The following PSD3 variants were observed in gnomAD, a reference collection of about 807,000 sequenced individuals.
The protein encoded by PSD3 is PH and SEC7 domain-containing protein 3.
Under a neutral mutation model 105.5 loss-of-function variants are expected in PSD3, and 49 were observed. The observed-to-expected ratio is 0.46, with a 90% CI of 0.37 to 0.59. PSD3 has a LOEUF of 0.59. PSD3 is among the 20% of genes least tolerant of loss of function. The pLI, the probability that PSD3 is intolerant of heterozygous loss-of-function variation, is 0.00. For missense variants in PSD3, 1,561 were observed against 1,263.8 expected, an observed-to-expected ratio of 1.24 and a Z score of -3.57; for synonymous variants, 557 against 457.8, an observed-to-expected ratio of 1.22 and a Z score of -2.77.
intron 15 of PSD3, among the ~76,000 whole-genome samples, chr8:18,548,094 C>T (rs1387938529): frequency 6.6e-6 from 1 of 152,156 alleles, no homozygotes; most frequent in Non-Finnish European, 1.5e-5. Flanking sequence ...CTGCTGTTGA[C>T]ACTTTCTATT....
chr8:18,611,139 A>T (rs1805232730), intron 11 of PSD3, among the ~76,000 whole-genome samples: 1 of 151,980 alleles, frequency 6.6e-6, no homozygotes, highest in Non-Finnish European at 1.5e-5. Flanking sequence ...AGACAATCAC[A>T]GTGGGGATTC....
At chr8:18,865,242 A>C (rs758698559) in intron 4 of PSD3, 4 of 7,814 alleles carry the variant, frequency 5.1e-4, no homozygotes, top group Non-Finnish European at 1.5e-3. Flanking sequence ...ATATATATAT[A>C]TATATATATA....
chr8:18,662,372 T>C (rs946870306), intron 9 of PSD3, among the ~76,000 whole-genome samples: 8 of 152,356 alleles, frequency 5.3e-5, no homozygotes, highest in Admixed American at 4.6e-4. Flanking sequence ...CTGACTGAAC[T>C]TTACCTAGTG....
intron 1 of PSD3, chr8:18,940,331 G>C (rs911892882): frequency 6.6e-6 from 1 of 152,180 alleles, no homozygotes. Flanking sequence ...GTGGGGCCTG[G>C]GACTCCGCAT....
intron 1 of PSD3, among the ~76,000 whole-genome samples, chr8:18,987,191 T>C (rs574775050): frequency 6.6e-6 from 1 of 152,254 alleles, no homozygotes; most frequent in South Asian, 2.1e-4. Flanking sequence ...TATTATGTTT[T>C]AGAAGAAAAT....
Position 18,632,817 on chromosome 8 carries a change from G to A in PSD3, c.2217-11C>T, listed in dbSNP as rs1194701949. On this transcript the variant is annotated splice_polypyrimidine_tract_variant and intron_variant, in intron 10 of 15. Transcript: ENST00000327040. ...TTCTCTTCATCATCTCTAAAAGGGAGAAAGCACAAAGACTGAGTCAAGCAC... is the reference window on the plus strand; with the variant it reads ...TTCTCTTCATCATCTCTAAAAGGGAAAAAGCACAAAGACTGAGTCAAGCAC... The A allele has an allele frequency of 1.3e-6, 2 of 1,533,888 alleles. No homozygotes were observed. Among genetic ancestry groups the A allele is most frequent in the Admixed American group, 3.6e-5 (2 of 55,012 alleles).
chr8:18,767,946 G>T (rs1040299816), intron 8 of PSD3, among the ~76,000 whole-genome samples: 1 of 151,666 alleles, frequency 6.6e-6, no homozygotes, highest in East Asian at 1.9e-4. Flanking sequence ...TATTCAAAAT[G>T]AGAAAGCAGA....
At chr8:19,025,336 G>C (rs1156629586) in intron 1 of PSD3, among the ~76,000 whole-genome samples, 1 of 152,070 alleles carries the variant, frequency 6.6e-6, no homozygotes, top group Non-Finnish European at 1.5e-5. Flanking sequence ...CTTGGTTAAA[G>C]AAACCCATAA....
At chr8:18,689,318 G>T (rs1418019266) in intron 9 of PSD3, among the ~76,000 whole-genome samples, 1 of 152,170 alleles carries the variant, frequency 6.6e-6, no homozygotes, top group Non-Finnish European at 1.5e-5. Flanking sequence ...TCAATGAACT[G>T]AAAGGCTTTC....
At chr8:18,591,885 C>CAA (rs1803639765) in intron 12 of PSD3, among the ~76,000 whole-genome samples, 1 of 152,054 alleles carries the variant, frequency 6.6e-6, no homozygotes, top group South Asian at 2.1e-4. Context: ...GGATTATGGG[C>CAA]TCCTGAAAAA....
chr8:18,949,244 A>AAAAATATAT (rs1345423514), intron 1 of PSD3, among the ~76,000 whole-genome samples: 4 of 14,408 alleles, frequency 2.8e-4, no homozygotes, highest in Non-Finnish European at 7.2e-4. Context: ...AAAAAAAAAA[A>AAAAATATAT]ATATATATAT....
chr8:18,572,435 C>A, intron 14 of PSD3, 93 bp downstream of exon 14: 1 of 1,486,178 alleles, frequency 6.7e-7, no homozygotes, highest in Non-Finnish European at 9.2e-7. Context: ...ACACCTGCCC[C>A]CAAAACATGG....
chr8:18,747,504 C>T (rs1196286146), intron 9 of PSD3, among the ~76,000 whole-genome samples: 2 of 152,118 alleles, frequency 1.3e-5, no homozygotes, highest in Non-Finnish European at 2.9e-5. Flanking sequence ...AAAGCAACAG[C>T]AATCTTTCTG....
intron 12 of PSD3, among the ~76,000 whole-genome samples, chr8:18,595,856 A>T (rs1007049414): frequency 7.9e-5 from 12 of 152,028 alleles, no homozygotes; most frequent in African/African-American, 2.9e-4. Context: ...TTCTAGACAG[A>T]AGACTAATAA....
intron 9 of PSD3, among the ~76,000 whole-genome samples, chr8:18,725,762 C>T (rs1250781012): frequency 6.6e-6 from 1 of 152,184 alleles, no homozygotes; most frequent in African/African-American, 2.4e-5. Flanking sequence ...CAAGAACACA[C>T]TGCCTCAATA....
intron 9 of PSD3, among the ~76,000 whole-genome samples, chr8:18,661,888 G>A (rs892663340): frequency 3.3e-5 from 5 of 152,248 alleles, no homozygotes; most frequent in South Asian, 2.1e-4. Context: ...GTTTTCACAT[G>A]CCCAAGTTTA....
chr8:18,956,299 C>T (rs1317534477), intron 1 of PSD3, among the ~76,000 whole-genome samples: 1 of 152,082 alleles, frequency 6.6e-6, no homozygotes, highest in African/African-American at 2.4e-5. Context: ...TGGGCATGCA[C>T]AACACTGGTA....
At chr8:18,786,233 A>G (rs1809140929) in intron 8 of PSD3, among the ~76,000 whole-genome samples, 1 of 152,186 alleles carries the variant, frequency 6.6e-6, no homozygotes, top group Non-Finnish European at 1.5e-5. Flanking sequence ...TTAAACTTGA[A>G]GAAGAGATAC....
At chr8:18,950,569 G>A (rs767369862) in intron 1 of PSD3, among the ~76,000 whole-genome samples, 2 of 151,966 alleles carry the variant, frequency 1.3e-5, no homozygotes, top group South Asian at 2.1e-4. Flanking sequence ...CCACTATTCC[G>A]CTTTCTGTTT....
Sources: allele counts gnomAD v4.1 joint callset (sites outside exome capture counted in the v4.1 genomes callset), GRCh38; gene constraint gnomAD v4.1.1; transcripts MANE v1.5; gene names NCBI Gene and HGNC (gene_info 2026-07-23, HGNC 2026-07-21).